The following RARB variants were observed in gnomAD, a reference collection of about 807,000 sequenced individuals.
The protein encoded by RARB is retinoic acid receptor beta, also known as HBV-activated protein.
A neutral mutation model predicts 51.9 loss-of-function variants in RARB; 17 were observed. The observed-to-expected ratio is 0.33, with a 90% CI of 0.22 to 0.49. The LOEUF (loss-of-function observed/expected upper bound fraction) is 0.49. RARB is among the 20% of genes least tolerant of loss of function. RARB has a pLI of 0.99. For missense variants in RARB, 369 were observed against 550.8 expected, an observed-to-expected ratio of 0.67 and a Z score of 3.30; for synonymous variants, 215 against 195.4, an observed-to-expected ratio of 1.10 and a Z score of -0.84.
chr3:25,385,896 C>T (rs965568405), intron 5 of RARB, among the ~76,000 whole-genome samples: 10 of 152,120 alleles, frequency 6.6e-5, no homozygotes, highest in Admixed American at 3.9e-4. Flanking sequence ...ACAGATACAC[C>T]GTGATCAGTG....
At chr3:25,504,817 G>T (rs1484424771) in intron 3 of RARB, among the ~76,000 whole-genome samples, 1 of 148,080 alleles carries the variant, frequency 6.8e-6, no homozygotes, top group African/African-American at 2.5e-5. Flanking sequence ...GAGTGCAGTG[G>T]CGTGATCTCA....
chr3:25,014,274 T>C (rs1258505557), intron 2 of RARB, among the ~76,000 whole-genome samples: 1 of 151,986 alleles, frequency 6.6e-6, no homozygotes, highest in East Asian at 1.9e-4. Flanking sequence ...TTTGGATCAA[T>C]AGAATGTGCT....
At chr3:25,393,575 G>A (rs150326442) in intron 5 of RARB, among the ~76,000 whole-genome samples, 5 of 152,118 alleles carry the variant, frequency 3.3e-5, no homozygotes, top group Non-Finnish European at 5.9e-5. Context: ...GCTTGTTATT[G>A]TTCTGTTAAG....
At chr3:25,289,837 T>G (rs1703744311) in intron 5 of RARB, among the ~76,000 whole-genome samples, 1 of 152,204 alleles carries the variant, frequency 6.6e-6, no homozygotes, top group Admixed American at 6.5e-5. Context: ...ACCAAAGGAT[T>G]AATTTTCCAG....
At chr3:25,216,395 C>T (rs1179334514) in intron 5 of RARB, among the ~76,000 whole-genome samples, 1 of 152,150 alleles carries the variant, frequency 6.6e-6, no homozygotes, top group East Asian at 1.9e-4. Context: ...CCATAGAATA[C>T]TATGCAGCCA....
intron 5 of RARB, among the ~76,000 whole-genome samples, chr3:25,176,362 C>CTTTCTTTCTTTCT (rs1700751006): frequency 4.9e-5 from 3 of 61,480 alleles, no homozygotes; most frequent in Admixed American, 2.3e-4. Context: ...TCCTTCCTTC[C>CTTTCTTTCTTTCT]TTCCTTCCTT....
At chr3:25,262,085 C>T (rs1295750176) in intron 5 of RARB, among the ~76,000 whole-genome samples, 1 of 152,152 alleles carries the variant, frequency 6.6e-6, no homozygotes, top group Non-Finnish European at 1.5e-5. Context: ...ACCAGACTCC[C>T]TACTATGGGA....
chr3:25,073,679 C>T (rs151013325), intron 3 of RARB, among the ~76,000 whole-genome samples: 3 of 152,066 alleles, frequency 2.0e-5, no homozygotes, highest in Admixed American at 6.5e-5. Context: ...AAATAATGTG[C>T]GTGTAATTCC....
intron 1 of RARB, among the ~76,000 whole-genome samples, chr3:25,440,172 C>T (rs1241903496): frequency 6.6e-6 from 1 of 152,110 alleles, no homozygotes; most frequent in African/African-American, 2.4e-5. Context: ...TTGTTTTAGG[C>T]TTGCATGGCG....
At chr3:25,088,085 C>T (rs1053771970) in intron 3 of RARB, among the ~76,000 whole-genome samples, 6 of 151,556 alleles carry the variant, frequency 4.0e-5, no homozygotes, top group South Asian at 2.1e-4. Context: ...GAAATTGGGG[C>T]GGAGGGAGAT....
chr3:25,166,673 C>T (rs321521), intron 4 of RARB, among the ~76,000 whole-genome samples: 30,978 of 150,786 alleles, frequency 0.21, 3,289 homozygotes, highest in African/African-American at 0.25. Context: ...GAAATGGATA[C>T]GTTTTCTCCA....
At chr3:24,855,228 C>T (rs1317800594) in intron 1 of RARB, among the ~76,000 whole-genome samples, 1 of 151,984 alleles carries the variant, frequency 6.6e-6, no homozygotes, top group Non-Finnish European at 1.5e-5. Context: ...TGATCTGAGA[C>T]AGAAGAAAGT....
At chr3:25,494,568 T>A (rs1339074494) in intron 2 of RARB, among the ~76,000 whole-genome samples, 1 of 152,226 alleles carries the variant, frequency 6.6e-6, no homozygotes, top group Non-Finnish European at 1.5e-5. Flanking sequence ...CTTATCGCAC[T>A]GCTTGGTGGC....
At chr3:25,261,654 C>G (rs1703000510) in intron 5 of RARB, among the ~76,000 whole-genome samples, 1 of 152,108 alleles carries the variant, frequency 6.6e-6, no homozygotes, top group Non-Finnish European at 1.5e-5. Flanking sequence ...ATCTGGTCAT[C>G]CCAGATCATC....
chr3:25,535,411 CTTT>C (rs3074714), intron 3 of RARB, among the ~76,000 whole-genome samples: 11 of 138,276 alleles, frequency 8.0e-5, no homozygotes, highest in Middle Eastern at 3.4e-3. Context: ...GTCCTTATCT[CTTT>C]TTTTTTTTTT....
chr3:25,247,997 T>C (rs1702610004), intron 5 of RARB, among the ~76,000 whole-genome samples: 1 of 152,200 alleles, frequency 6.6e-6, no homozygotes, highest in African/African-American at 2.4e-5. Context: ...CCAACTATTA[T>C]TGTATTGGAA....
At chr3:24,898,207 A>C (rs1303963498) in intron 2 of RARB, among the ~76,000 whole-genome samples, 1 of 152,120 alleles carries the variant, frequency 6.6e-6, no homozygotes, top group Non-Finnish European at 1.5e-5. Flanking sequence ...TGATTAGGGC[A>C]TTGCTTTCTC....
chr3:25,441,358 C>T, intron 1 of RARB: 1 of 296,600 alleles, frequency 3.4e-6, no homozygotes, highest in South Asian at 3.7e-5. Context: ...CGAATCAGTT[C>T]ACTGGACTTC....
At chr3:25,216,577 C>T (rs1701837386) in intron 5 of RARB, among the ~76,000 whole-genome samples, 1 of 149,970 alleles carries the variant, frequency 6.7e-6, no homozygotes, top group South Asian at 2.1e-4. Context: ...ACACCGGGGC[C>T]TATTGGGGGG....
Sources: gnomAD v4.1 joint callset for allele counts (sites outside exome capture counted in the v4.1 genomes callset) on GRCh38, gnomAD v4.1.1 for gene constraint, MANE v1.5 for transcripts, NCBI Gene and HGNC (gene_info 2026-07-23, HGNC 2026-07-21) for gene names.